NCBP1: variants seen among roughly 807,000 people sequenced by gnomAD.
NCBP1 encodes the protein nuclear cap-binding protein subunit 1.
A neutral mutation model predicts 111.7 loss-of-function variants in NCBP1; 16 were observed. The observed-to-expected ratio is 0.14, with a 90% confidence interval of 0.10 to 0.22. The LOEUF is 0.22. NCBP1 is among the 10% of genes least tolerant of loss of function. NCBP1 has a pLI of 1.00. For synonymous variants in NCBP1, 304 were observed against 314.3 expected, an observed-to-expected ratio of 0.97 and a Z score of 0.35; for missense variants, 607 against 957.5, an observed-to-expected ratio of 0.63 and a Z score of 4.83.
intron 1 of NCBP1, among the ~76,000 whole-genome samples, chr9:97,637,925 C>A (rs1283515898): frequency 6.6e-6 from 1 of 152,120 alleles, no homozygotes; most frequent in African/African-American, 2.4e-5. Context: ...GGATTTTATA[C>A]CTGCTTCTCT....
intron 22 of NCBP1, 40 bp downstream of exon 22, chr9:97,669,746 A>G (rs1310457738): frequency 1.2e-5 from 16 of 1,350,576 alleles, no homozygotes; most frequent in Non-Finnish European, 1.7e-5. Context: ...CACTATTCTC[A>G]GCCACAAAGA....
intron 14 of NCBP1, among the ~76,000 whole-genome samples, chr9:97,657,520 A>T (rs1389104251): frequency 1.3e-5 from 2 of 152,190 alleles, no homozygotes; most frequent in African/African-American, 4.8e-5. Flanking sequence ...CCACCTGGTC[A>T]TGTCAATATC....
In NCBP1 at chr9:97,648,797, C is replaced by A. The variant is rs1827419325; in HGVS notation, c.897+574C>A. Among the ~76,000 whole-genome samples, 3 of 152,248 alleles carry A rather than the reference C, an allele frequency of 2.0e-5. No homozygotes were observed. The South Asian group carries it at 6.2e-4, about 32-fold the overall frequency. On this transcript the variant is annotated intron_variant, in intron 8 of 22. Coordinates refer to ENST00000375147, the MANE Select transcript of NCBP1 (RefSeq NM_002486.5). ...AGATCTAAGCTCACTGCAACCTCTGCCTCCTGTGCTCAAGCGATCCTTCCA... is the reference window on the plus strand; with the variant it reads ...AGATCTAAGCTCACTGCAACCTCTGACTCCTGTGCTCAAGCGATCCTTCCA...
chr9:97,658,655 G>A lies in NCBP1; in HGVS notation c.1389G>A (p.Gln463=), dbSNP rs1389871271. 8.1e-6 allele frequency: 13 copies of A among 1,610,958 alleles called. No homozygotes were observed. The highest frequency in any genetic ancestry group is 1.3e-5 in the African/African-American group (1 of 74,628). The change falls in exon 15 of 23, where the codon CAG becomes CAA. Residue 463 remains glutamine, a synonymous_variant. Coordinates refer to ENST00000375147, the MANE Select transcript of NCBP1 (RefSeq NM_002486.5). ...TGTATTGTAGGTTGTCTTACCATCA[G>A]CGTATATTAGATATTGTTCCTCCTA... ...LEKCMRLSYH[Q]RILDIVPPTF...
At chr9:97,634,023 G>T (rs1434793374) in intron 1 of NCBP1, 108 bp downstream of exon 1, 1 of 1,298,772 alleles carries the variant, frequency 7.7e-7, no homozygotes, top group Non-Finnish European at 1.0e-6. Context: ...CCGGGAACGT[G>T]CGGGGAGCCG....
In NCBP1 at chr9:97,672,347, C is replaced by G. The variant is rs75755400; in HGVS notation, c.*1148C>G. ...CATCCCAAGTTTATGATGCATTAAG[C>G]GTTTTGCATATTTTGATATATTTTT... On this transcript the variant is annotated 3_prime_UTR_variant, in exon 23 of 23. Transcript: ENST00000375147. 10 of 152,032 alleles carry G rather than the reference C, an allele frequency of 6.6e-5. No individual in the cohort carries two copies. Among genetic ancestry groups the G allele is most frequent in the African/African-American group, 2.4e-4 (10 of 41,376 alleles). The allele number at this position is 152,032 out of a possible 1,614,324, so 9.4% of individuals were successfully genotyped here.
chr9:97,660,860 A>C, intron 15 of NCBP1, 86 bp from the exon 16 acceptor site: 1 of 1,457,506 alleles, frequency 6.9e-7, no homozygotes, highest in Non-Finnish European at 9.1e-7. Context: ...GAATTTAAAA[A>C]AAATTTTTCT....
chr9:97,648,403 A>G (rs1163359211), intron 8 of NCBP1, among the ~76,000 whole-genome samples, 180 bp downstream of exon 8: 2 of 152,218 alleles, frequency 1.3e-5, no homozygotes, highest in African/African-American at 2.4e-5. Flanking sequence ...TATGCAAGAA[A>G]TTATATTTGG....
intron 15 of NCBP1, among the ~76,000 whole-genome samples, chr9:97,660,333 A>C (rs1827795428): frequency 6.6e-6 from 1 of 152,202 alleles, no homozygotes; most frequent in Admixed American, 6.5e-5. Context: ...CTTACGGTGT[A>C]TATTAGCACA....
chr9:97,655,832 A>G, intron 13 of NCBP1, 68 bp downstream of exon 13: 9 of 1,444,210 alleles, frequency 6.2e-6, no homozygotes, highest in South Asian at 1.2e-5. Flanking sequence ...CTGTAACATA[A>G]AAGTGTCTGA....
intron 9 of NCBP1, 135 bp from the exon 10 acceptor site, chr9:97,651,170 TAAATG>T (rs1827488019): frequency 5.6e-6 from 3 of 538,756 alleles, no homozygotes; most frequent in Non-Finnish European, 9.1e-6. Context: ...ATGCCATAGT[TAAATG>T]AAGTAACTGA....
At chr9:97,642,563 A>G (rs1036753491) in intron 3 of NCBP1, among the ~76,000 whole-genome samples, 2 of 152,116 alleles carry the variant, frequency 1.3e-5, no homozygotes, top group African/African-American at 4.8e-5. Flanking sequence ...CCTTTCCCAT[A>G]CTTTTAAAAT....
rs1828254871 is a variant in NCBP1 at position 97,673,360 on chromosome 9, T to C, written c.*2161T>C. ...AACCAAAGGATAACCTTTAAGGGATTGGTAACTTTGACTCAAAACTGCTTT... is the reference window on the plus strand; with the variant it reads ...AACCAAAGGATAACCTTTAAGGGATCGGTAACTTTGACTCAAAACTGCTTT... On this transcript the variant is annotated 3_prime_UTR_variant, in exon 23 of 23. Transcript: ENST00000375147. 1 of 152,180 alleles carries C rather than the reference T, an allele frequency of 6.6e-6. No individual in the cohort carries two copies. Among genetic ancestry groups the C allele is most frequent in the Non-Finnish European group, 1.5e-5 (1 of 68,022 alleles). 9.4% of individuals were successfully genotyped at this position (152,180 alleles called of 1,614,324 possible).
chr9:97,653,872 A>G lies in NCBP1; in HGVS notation c.1134A>G (p.Glu378=), dbSNP rs1244779461. The part of the protein sequence containing the change: ...IDVMYTTLLI[E]LCKLQPGSLP... Reference sequence around the variant, plus strand: ...TGATGTACACAACACTCCTCATTGAACTGTGCAAACTTCAACCTGGCTCTC... The same window carrying G: ...TGATGTACACAACACTCCTCATTGAGCTGTGCAAACTTCAACCTGGCTCTC... The change falls in exon 11 of 23, where the codon GAA becomes GAG. Residue 378 remains glutamate, a synonymous_variant. Coordinates refer to ENST00000375147, the MANE Select transcript of NCBP1 (RefSeq NM_002486.5). 1 of 1,614,002 alleles carries G rather than the reference A, an allele frequency of 6.2e-7. No homozygotes were observed. The highest frequency in any genetic ancestry group is 8.5e-7 in the Non-Finnish European group (1 of 1,179,960).
At chr9:97,640,936 T>C (rs1307419419) in intron 2 of NCBP1, 54 bp downstream of exon 2, 7 of 1,325,774 alleles carry the variant, frequency 5.3e-6, no homozygotes, top group African/African-American at 1.5e-5. Context: ...TGGTTAACTG[T>C]GCTTTGATTA....
At position 97,648,076 on chromosome 9, in the gene NCBP1, A is replaced by C. The variant is rs1180787449; in HGVS notation, c.750A>C (p.Leu250=). 1 of 1,614,186 alleles carries C rather than the reference A, an allele frequency of 6.2e-7. No individual in the cohort carries two copies. Among genetic ancestry groups the C allele is most frequent in the South Asian group, 1.1e-5 (1 of 91,076 alleles). ...KKDRWQERHI[L]RPYLAFDSIL... ...ATCGCTGGCAGGAACGGCACATCCT[A>C]AGACCTTATCTTGCCTTTGACAGCA... The change falls in exon 8 of 23, where the codon CTA becomes CTC. Residue 250 remains leucine, a synonymous_variant. Coordinates refer to ENST00000375147, the MANE Select transcript of NCBP1 (RefSeq NM_002486.5).
intron 22 of NCBP1, 132 bp from the exon 23 acceptor site, chr9:97,670,954 C>T (rs1828171991): frequency 7.6e-6 from 4 of 524,678 alleles, no homozygotes; most frequent in Admixed American, 3.8e-5. Context: ...GTCCATTGTT[C>T]CTATCAGCAC....
Position 97,671,074 on chromosome 9 carries a change from G to A in NCBP1, c.2260-12G>A. ...TTTCCTGACCTAACTACCCCCTTTT[G>A]TGTGTCCACAGCATCACCAAATAAT... On this transcript the variant is annotated splice_polypyrimidine_tract_variant and intron_variant, in intron 22 of 22. Coordinates refer to ENST00000375147, the MANE Select transcript of NCBP1 (RefSeq NM_002486.5). The A allele has an allele frequency of 6.4e-7, 1 of 1,566,944 alleles. No homozygotes were observed. The highest frequency in any genetic ancestry group is 8.8e-7 in the Non-Finnish European group (1 of 1,138,918).
chr9:97,637,330 C>A (rs983220662), intron 1 of NCBP1, among the ~76,000 whole-genome samples: 1 of 152,170 alleles, frequency 6.6e-6, no homozygotes, highest in Non-Finnish European at 1.5e-5. Flanking sequence ...CTTAGACTTG[C>A]TTTAAAAATG....
Sources: gnomAD v4.1 joint callset for allele counts (sites outside exome capture counted in the v4.1 genomes callset) on GRCh38, gnomAD v4.1.1 for gene constraint, MANE v1.5 for transcripts, NCBI Gene and HGNC (gene_info 2026-07-23, HGNC 2026-07-21) for gene names.